ETV6: variants seen among roughly 807,000 people sequenced by gnomAD.
ETV6 encodes the protein transcription factor ETV6.
Under a neutral mutation model 51.1 loss-of-function variants are expected in ETV6, and 16 were observed. The observed-to-expected ratio is 0.31, with a 90% confidence interval of 0.21 to 0.48. The LOEUF is 0.48. ETV6 is among the 20% of genes least tolerant of loss of function. The probability of loss-of-function intolerance (pLI) is 0.99; values close to 1 mark genes in which losing one functional copy is unlikely to be tolerated. For synonymous variants in ETV6, 240 were observed against 224.1 expected, an observed-to-expected ratio of 1.07 and a Z score of -0.64; for missense variants, 458 against 594.8, an observed-to-expected ratio of 0.77 and a Z score of 2.39.
At chr12:11,821,224 G>A (rs1946075782) in intron 2 of ETV6, among the ~76,000 whole-genome samples, 1 of 152,084 alleles carries the variant, frequency 6.6e-6, no homozygotes, top group African/African-American at 2.4e-5. Context: ...AAATTAGCTG[G>A]GTGTGGTGGT....
chr12:11,839,128 T>G lies in ETV6; in HGVS notation c.164-12T>G. 6.2e-7 allele frequency: 1 copy of G among 1,611,108 alleles called. No individual in the cohort carries two copies. The highest frequency in any genetic ancestry group is 8.5e-7 in the Non-Finnish European group (1 of 1,177,958). On this transcript the variant is annotated splice_polypyrimidine_tract_variant and intron_variant, in intron 2 of 7. Coordinates refer to ENST00000396373, the MANE Select transcript of ETV6 (RefSeq NM_001987.5). The stretch of plus-strand genomic sequence containing the variant: ...TTCTCTCTTTCTTTCTGCCTCATGC[T>G]CTCTCCAACAGGCTTGCAGCCAATT...
At chr12:11,681,615 G>A (rs1293187185) in intron 1 of ETV6, among the ~76,000 whole-genome samples, 3 of 152,068 alleles carry the variant, frequency 2.0e-5, no homozygotes, top group African/African-American at 2.4e-5. Flanking sequence ...GGATACATGT[G>A]CAGAATGTGC....
intron 1 of ETV6, among the ~76,000 whole-genome samples, chr12:11,715,634 C>T (rs1206410268): frequency 6.6e-6 from 1 of 152,252 alleles, no homozygotes; most frequent in Non-Finnish European, 1.5e-5. Context: ...CTCCCTGATG[C>T]TGCTGAGGAA....
chr12:11,822,037 T>G (rs1946088728), intron 2 of ETV6, among the ~76,000 whole-genome samples: 2 of 152,236 alleles, frequency 1.3e-5, no homozygotes, highest in Non-Finnish European at 2.9e-5. Flanking sequence ...CCCATCCAGT[T>G]GAGAAAGTCT....
At chr12:11,719,782 G>A (rs1865346771) in intron 1 of ETV6, among the ~76,000 whole-genome samples, 1 of 152,186 alleles carries the variant, frequency 6.6e-6, no homozygotes, top group African/African-American at 2.4e-5. Context: ...GGAATGGAAG[G>A]CAGGGATGAG....
intron 1 of ETV6, among the ~76,000 whole-genome samples, chr12:11,697,317 C>T (rs1209396815): frequency 2.6e-5 from 4 of 152,140 alleles, no homozygotes; most frequent in African/African-American, 9.7e-5. Flanking sequence ...AAATGCTTCC[C>T]AGTCAGAGGA....
At chr12:11,818,655 T>A (rs182147135) in intron 2 of ETV6, among the ~76,000 whole-genome samples, 122 of 152,266 alleles carry the variant, frequency 8.0e-4, no homozygotes, top group African/African-American at 2.8e-3. Flanking sequence ...TGGGGCTTGG[T>A]ATCTCTGAGC....
intron 1 of ETV6, among the ~76,000 whole-genome samples, chr12:11,690,573 G>A (rs892764897): frequency 6.6e-5 from 10 of 151,866 alleles, no homozygotes; most frequent in Admixed American, 2.0e-4. Context: ...CCAGGACAAC[G>A]GAGCAAGACT....
chr12:11,660,897 T>C (rs1192411494), intron 1 of ETV6, among the ~76,000 whole-genome samples: 1 of 152,210 alleles, frequency 6.6e-6, no homozygotes, highest in Non-Finnish European at 1.5e-5. Context: ...GTTCTTTTTC[T>C]TTGGGCCTCT....
At chr12:11,792,333 GA>G (rs1945611389) in intron 2 of ETV6, among the ~76,000 whole-genome samples, 1 of 152,186 alleles carries the variant, frequency 6.6e-6, no homozygotes, top group Admixed American at 6.5e-5. Context: ...AGCTAGCTAA[GA>G]ATTTACTTTA....
intron 2 of ETV6, among the ~76,000 whole-genome samples, chr12:11,774,797 G>A (rs1463780518): frequency 1.3e-5 from 2 of 152,168 alleles, no homozygotes; most frequent in Non-Finnish European, 1.5e-5. Context: ...GAAGGAACTT[G>A]GAGAAAATGA....
At chr12:11,838,916 A>T (rs1469284017) in intron 2 of ETV6, among the ~76,000 whole-genome samples, 1 of 152,230 alleles carries the variant, frequency 6.6e-6, no homozygotes, top group African/African-American at 2.4e-5. Context: ...TTGGTGTACA[A>T]ACTGCTCCCT....
chr12:11,778,545 G>C (rs535360065), intron 2 of ETV6, among the ~76,000 whole-genome samples: 13 of 152,294 alleles, frequency 8.5e-5, no homozygotes, highest in African/African-American at 3.1e-4. Context: ...GCAGGCTGAG[G>C]CACTGAGTGA....
intron 5 of ETV6, among the ~76,000 whole-genome samples, chr12:11,876,134 T>C (rs961494275): frequency 2.0e-5 from 3 of 152,164 alleles, no homozygotes; most frequent in Non-Finnish European, 2.9e-5. Flanking sequence ...TAACAAGTTA[T>C]GTAAGAGAGG....
chr12:11,771,376 A>G (rs888231280), intron 2 of ETV6, among the ~76,000 whole-genome samples: 1 of 152,202 alleles, frequency 6.6e-6, no homozygotes, highest in Non-Finnish European at 1.5e-5. Flanking sequence ...ACTTTGTCTG[A>G]GTAGTCATAC....
intron 2 of ETV6, among the ~76,000 whole-genome samples, chr12:11,789,855 T>C (rs554932520): frequency 6.6e-6 from 1 of 152,176 alleles, no homozygotes; most frequent in Non-Finnish European, 1.5e-5. Context: ...TGGAAGCATT[T>C]TTTTATTCCC....
intron 2 of ETV6, among the ~76,000 whole-genome samples, chr12:11,820,620 G>C (rs1285615644): frequency 5.9e-5 from 9 of 152,128 alleles, no homozygotes; most frequent in African/African-American, 2.2e-4. Flanking sequence ...ATAGTTCCTG[G>C]TAGGTCTGAG....
At chr12:11,830,831 AG>A (rs1481382994) in intron 2 of ETV6, among the ~76,000 whole-genome samples, 1 of 152,246 alleles carries the variant, frequency 6.6e-6, no homozygotes, top group Non-Finnish European at 1.5e-5. Flanking sequence ...TGCATTGAGG[AG>A]CATTGCTAAT....
At chr12:11,665,333 C>T (rs868558707) in intron 1 of ETV6, among the ~76,000 whole-genome samples, 1 of 152,214 alleles carries the variant, frequency 6.6e-6, no homozygotes. Flanking sequence ...AATCTTCCCT[C>T]GATCTTCTTT....
Sources: allele counts gnomAD v4.1 joint callset (sites outside exome capture counted in the v4.1 genomes callset), GRCh38; gene constraint gnomAD v4.1.1; transcripts MANE v1.5; gene names NCBI Gene and HGNC (gene_info 2026-07-23, HGNC 2026-07-21).